Variants in GPAT3 observed in about 807,000 individuals in gnomAD.
The protein encoded by GPAT3 is glycerol-3-phosphate acyltransferase 3, also known as 1-AGP acyltransferase 9.
GPAT3 carries 53 observed loss-of-function variants against 58.8 expected under a neutral mutation model. That is an observed-to-expected ratio of 0.90 (90% CI 0.72 to 1.13). GPAT3 has a LOEUF of 1.13. GPAT3 is among the 50% of genes most tolerant of loss of function. The pLI is 0.00. For synonymous variants in GPAT3, 197 were observed against 187.4 expected (o/e 1.05, Z -0.42); for missense variants, 511 against 527.6 (o/e 0.97, Z 0.31).
At chr4:83,576,693 C>G (rs181389266) in intron 2 of GPAT3, among the ~76,000 whole-genome samples, 4 of 152,198 alleles carry the variant, frequency 2.6e-5, no homozygotes, top group Admixed American at 2.6e-4. Flanking sequence ...ATCCGCCTGC[C>G]TCTGCCTCCC....
At chr4:83,562,227 T>TATATA (rs1725195681) in intron 2 of GPAT3, among the ~76,000 whole-genome samples, 3 of 70,278 alleles carry the variant, frequency 4.3e-5, no homozygotes, top group South Asian at 4.7e-4. Context: ...ATATATATAA[T>TATATA]ATATATATAA....
intron 2 of GPAT3, among the ~76,000 whole-genome samples, chr4:83,581,246 T>TTGTG (rs894425434): frequency 6.6e-6 from 1 of 150,828 alleles, no homozygotes; most frequent in Non-Finnish European, 1.5e-5. Flanking sequence ...GGGGAGAATT[T>TTGTG]TGTGTGTGTG....
At chr4:83,547,853 CTTTTTT>C (rs10536598) in intron 2 of GPAT3, among the ~76,000 whole-genome samples, 2 of 133,362 alleles carry the variant, frequency 1.5e-5, no homozygotes, top group Non-Finnish European at 1.6e-5. Context: ...TTCTTCTTCC[CTTTTTT>C]TTTTTTTTTT....
intron 2 of GPAT3, among the ~76,000 whole-genome samples, chr4:83,547,511 C>T (rs890799746): frequency 6.6e-6 from 1 of 152,024 alleles, no homozygotes; most frequent in African/African-American, 2.4e-5. Flanking sequence ...CTCGGCCTCC[C>T]AAAGTGCTGG....
chr4:83,537,351 C>A (rs1269755697), intron 1 of GPAT3, among the ~76,000 whole-genome samples: 1 of 152,162 alleles, frequency 6.6e-6, no homozygotes, highest in African/African-American at 2.4e-5. Context: ...GGTCTCCCTA[C>A]CCTCCTGTTT....
At chr4:83,537,211 T>A (rs1724130985) in intron 1 of GPAT3, among the ~76,000 whole-genome samples, 1 of 152,250 alleles carries the variant, frequency 6.6e-6, no homozygotes, top group Admixed American at 6.5e-5. Context: ...TTCTTCTTTA[T>A]GCCCAAGATA....
At position 83,594,910 on chromosome 4, in the gene GPAT3, T is replaced by C. The variant is rs774184662; in HGVS notation, c.804T>C (p.His268=). ...GAGCTATGGTCAAGGCTTGTCCTCATGTCTGGTTTGAACGCTCAGAAATGA... is the reference window on the plus strand; with the variant it reads ...GAGCTATGGTCAAGGCTTGTCCTCACGTCTGGTTTGAACGCTCAGAAATGA... The part of the protein sequence containing the change: ...IQRAMVKACP[H]VWFERSEMKD... The change falls in exon 7 of 12, where the codon CAT becomes CAC. Residue 268 remains histidine (H), a synonymous_variant. Coordinates refer to ENST00000264409, the MANE Select transcript of GPAT3 (RefSeq NM_032717.5). 2 of 1,613,886 alleles carry C rather than the reference T, an allele frequency of 1.2e-6. No individual in the cohort carries two copies. Among genetic ancestry groups the C allele is most frequent in the East Asian group, 2.2e-5 (1 of 44,894 alleles).
intron 2 of GPAT3, among the ~76,000 whole-genome samples, chr4:83,565,314 T>A (rs961810782): frequency 2.0e-5 from 3 of 151,912 alleles, no homozygotes; most frequent in African/African-American, 4.8e-5. Context: ...TTGACCGGGC[T>A]GGTCTCGAAC....
intron 2 of GPAT3, among the ~76,000 whole-genome samples, chr4:83,575,101 C>G (rs1028278023): frequency 1.3e-5 from 2 of 152,026 alleles, no homozygotes; most frequent in Non-Finnish European, 2.9e-5. Flanking sequence ...TGGTCTCGAT[C>G]TCCTGACCTC....
rs1176748674 is a variant in GPAT3, at chr4:83,581,761, C to T, written c.408C>T (p.Tyr136=). 1.2e-6 allele frequency: 2 copies of T among 1,614,152 alleles called. No individual in the cohort carries two copies. Among genetic ancestry groups the T allele is most frequent in the Admixed American group, 1.7e-5 (1 of 60,006 alleles). ...CAAGAACCAATGTAAATTTCCAGTACATCAGTCTGCGGCTCACTATGGTGT... is the reference window on the plus strand; with the variant it reads ...CAAGAACCAATGTAAATTTCCAGTATATCAGTCTGCGGCTCACTATGGTGT... The part of the protein sequence containing the change: ...LLTRTNVNFQ[Y]ISLRLTMVWV... The change falls in exon 3 of 12, where the codon TAC becomes TAT. Residue 136 remains tyrosine (Y), a synonymous_variant. Transcript: ENST00000264409.
chr4:83,551,592 G>A (rs1724752131), intron 2 of GPAT3, among the ~76,000 whole-genome samples: 1 of 151,770 alleles, frequency 6.6e-6, no homozygotes, highest in Non-Finnish European at 1.5e-5. Flanking sequence ...AAGAAATCGA[G>A]ACCATCCTGG....
chr4:83,562,646 A>T (rs1014143411), intron 2 of GPAT3, among the ~76,000 whole-genome samples: 12 of 152,162 alleles, frequency 7.9e-5, no homozygotes, highest in African/African-American at 2.9e-4. Flanking sequence ...TAGTAGATTT[A>T]ATGAACTCAC....
intron 2 of GPAT3, among the ~76,000 whole-genome samples, chr4:83,548,736 T>G (rs112048468): frequency 1.0e-3 from 152 of 152,174 alleles, no homozygotes; most frequent in Non-Finnish European, 1.9e-3. Flanking sequence ...ACACAAAGAC[T>G]GTGGTCTCAT....
intron 2 of GPAT3, among the ~76,000 whole-genome samples, chr4:83,552,032 G>A (rs1724775500): frequency 6.6e-6 from 1 of 152,006 alleles, no homozygotes; most frequent in Non-Finnish European, 1.5e-5. Flanking sequence ...TACCTTCTTG[G>A]GATGTGATTT....
Position 83,601,876 on chromosome 4 carries a change from T to C in GPAT3, c.1206-2792T>C, listed in dbSNP as rs17006941. 5.8e-3 allele frequency among the ~76,000 whole-genome samples: 889 copies of C among 152,356 alleles called. 11 individuals are homozygous for C. Among genetic ancestry groups the C allele is most frequent in the African/African-American group, 0.02 (848 of 41,588 alleles). ...GTGGCATCTCTGAAAGGCGGCCTTC[T>C]GATTAAATGCTAGCTGACCACCCTG... On this transcript the variant is annotated intron_variant, in intron 11 of 11. Coordinates refer to ENST00000264409, the MANE Select transcript of GPAT3 (RefSeq NM_032717.5).
At chr4:83,578,957 T>TTTCG (rs1725937629) in intron 2 of GPAT3, among the ~76,000 whole-genome samples, 1 of 119,004 alleles carries the variant, frequency 8.4e-6, no homozygotes, top group East Asian at 2.5e-4. Flanking sequence ...CTTTTCTTTC[T>TTTCG]TTCTTTCTTT....
intron 3 of GPAT3, 23 bp from the exon 4 acceptor site, chr4:83,587,232 T>G (rs1264798665): frequency 6.2e-7 from 1 of 1,602,874 alleles, no homozygotes; most frequent in African/African-American, 1.3e-5. Context: ...AAATCTTATA[T>G]GGCCCTCTCT....
intron 1 of GPAT3, among the ~76,000 whole-genome samples, chr4:83,537,324 T>C (rs780307987): frequency 1.2e-4 from 19 of 152,326 alleles, no homozygotes; most frequent in Middle Eastern, 3.4e-3. Flanking sequence ...TGAAAAGGTA[T>C]ATATTCTTTG....
intron 2 of GPAT3, among the ~76,000 whole-genome samples, chr4:83,570,742 G>A (rs748355883): frequency 3.9e-5 from 6 of 152,090 alleles, no homozygotes; most frequent in Non-Finnish European, 5.9e-5. Flanking sequence ...CAAAGTGTTG[G>A]GATTACAGGC....
Sources: allele counts gnomAD v4.1 joint callset (sites outside exome capture counted in the v4.1 genomes callset), GRCh38; gene constraint gnomAD v4.1.1; transcripts MANE v1.5; gene names NCBI Gene and HGNC (gene_info 2026-07-23, HGNC 2026-07-21).